Variants in ITGA11 observed in about 807,000 individuals in gnomAD.
ITGA11 encodes integrin subunit alpha 11.
Under a neutral mutation model 141.9 loss-of-function variants are expected in ITGA11, and 97 were observed. That is an observed-to-expected ratio of 0.68 (90% CI 0.58 to 0.81). ITGA11 has a LOEUF of 0.81. Ranked by LOEUF, ITGA11 falls within the 30% of genes least tolerant of loss-of-function variation. ITGA11 has a pLI of 0.00. For missense variants in ITGA11, 1,387 were observed against 1,559.2 expected, an observed-to-expected ratio of 0.89 and a Z score of 1.86; for synonymous variants, 658 against 624.6, an observed-to-expected ratio of 1.05 and a Z score of -0.80.
Position 68,333,292 on chromosome 15 carries a change from G to A in ITGA11, c.1426-814C>T, listed in dbSNP as rs1247486863. ...TTTAAAAAATTATTTGTAGAGATGG[G>A]GTCTCACTATGTTGCCCAGGCTGGT... On this transcript the variant is annotated intron_variant, in intron 12 of 29. Coordinates refer to ENST00000315757, the MANE Select transcript of ITGA11 (RefSeq NM_001004439.2). This position sits in a 1 kb window ranked among gnomAD's most constrained non-coding sequence, Gnocchi z 4.2. 2.0e-5 allele frequency among the ~76,000 whole-genome samples: 3 copies of A among 151,896 alleles called. No individual in the cohort carries two copies. The highest frequency in any genetic ancestry group is 4.4e-5 in the Non-Finnish European group (3 of 67,984).
At chr15:68,427,898 C>T (rs979939062) in intron 1 of ITGA11, among the ~76,000 whole-genome samples, 1 of 152,122 alleles carries the variant, frequency 6.6e-6, no homozygotes, top group Admixed American at 6.5e-5. Context: ...TGGTAGCCTA[C>T]ATACAGTTGG....
intron 10 of ITGA11, among the ~76,000 whole-genome samples, chr15:68,342,066 G>A (rs1284460002): frequency 6.6e-6 from 1 of 152,200 alleles, no homozygotes; most frequent in Non-Finnish European, 1.5e-5. Flanking sequence ...ACAGGTTAAG[G>A]CCACTGAAGC....
intron 2 of ITGA11, among the ~76,000 whole-genome samples, chr15:68,388,656 T>C (rs187770952): frequency 1.4e-3 from 208 of 152,290 alleles, no homozygotes; most frequent in Middle Eastern, 0.014. Flanking sequence ...TTACTGCTGC[T>C]CATAAAGCAT....
chr15:68,337,304 A>G (rs1894391940), intron 11 of ITGA11, among the ~76,000 whole-genome samples: 1 of 152,180 alleles, frequency 6.6e-6, no homozygotes, highest in Non-Finnish European at 1.5e-5. Context: ...AGGAAGGGCC[A>G]TTCTGAGGCT....
At chr15:68,414,604 G>A (rs774056848) in intron 1 of ITGA11, among the ~76,000 whole-genome samples, 7 of 152,190 alleles carry the variant, frequency 4.6e-5, no homozygotes, top group Non-Finnish European at 1.0e-4. Context: ...CTGAGGTTCT[G>A]AGTCTGTGTG....
intron 10 of ITGA11, among the ~76,000 whole-genome samples, chr15:68,343,562 CT>C (rs1200727559): frequency 6.6e-6 from 1 of 152,142 alleles, no homozygotes; most frequent in African/African-American, 2.4e-5. Context: ...CCTTCTAGCT[CT>C]TTTTGGCTTT....
At chr15:68,318,399 G>T (rs1015364648) in intron 20 of ITGA11, among the ~76,000 whole-genome samples, 3 of 152,156 alleles carry the variant, frequency 2.0e-5, no homozygotes, top group African/African-American at 7.2e-5. Flanking sequence ...CTGGTGTGGG[G>T]CTTGATTCCC....
rs147671060 is a variant in ITGA11 at position 68,420,905 on chromosome 15, G to A, written c.52+11110C>T. The stretch of plus-strand genomic sequence containing the variant: ...AGACTAAAGCAGGGAAGGGGGATAG[G>A]AGGGGAGTTTATGCATGTGAATGCA... On this transcript the variant is annotated intron_variant, in intron 1 of 29. Transcript: ENST00000315757. 6.5e-3 allele frequency among the ~76,000 whole-genome samples: 986 copies of A among 152,326 alleles called. 13 individuals are homozygous for A. The highest frequency in any genetic ancestry group is 0.022 in the African/African-American group (911 of 41,564).
At chr15:68,332,144 G>A (rs1894191314) in intron 13 of ITGA11, 82 bp from the exon 14 acceptor site, 14 of 1,318,160 alleles carry the variant, frequency 1.1e-5, no homozygotes, top group Non-Finnish European at 1.5e-5. Context: ...AGGCTGCTCC[G>A]GCATCCTCTC....
In ITGA11 at chr15:68,322,505, G is replaced by T. The variant is rs576562968; in HGVS notation, c.2323-1002C>A. Among the ~76,000 whole-genome samples, 2 of 152,260 alleles carry T rather than the reference G, an allele frequency of 1.3e-5. No homozygotes were observed. Among genetic ancestry groups the T allele is most frequent in the African/African-American group, 4.8e-5 (2 of 41,542 alleles). Reference sequence around the variant, plus strand: ...GAGGTTGTCGGGGCTGAGGGAGAAAGGGGTCCAGGGTGTCAGCTGAGTTTC... The same window carrying T: ...GAGGTTGTCGGGGCTGAGGGAGAAATGGGTCCAGGGTGTCAGCTGAGTTTC... On this transcript the variant is annotated intron_variant, in intron 18 of 29. Coordinates refer to ENST00000315757, the MANE Select transcript of ITGA11 (RefSeq NM_001004439.2). The surrounding 1 kb of genome is among the most constrained non-coding windows in gnomAD (Gnocchi z 5.6).
chr15:68,365,441 G>T, intron 3 of ITGA11: 1 of 578,674 alleles, frequency 1.7e-6, no homozygotes, highest in Non-Finnish European at 2.2e-6. Flanking sequence ...CAGCTCTGCG[G>T]CAGATTAGAA....
In ITGA11 at chr15:68,322,359, G is replaced by C. The variant is rs1372964782; in HGVS notation, c.2323-856C>G. On this transcript the variant is annotated intron_variant, in intron 18 of 29. Coordinates refer to ENST00000315757, the MANE Select transcript of ITGA11 (RefSeq NM_001004439.2). This position sits in a 1 kb window ranked among gnomAD's most constrained non-coding sequence, Gnocchi z 5.6. ...TGAGAAGATGGAGGCTCGAGGCAGG[G>C]AGACCATTGAGGAGGCTGCCACAAC... Among the ~76,000 whole-genome samples the C allele has an allele frequency of 6.6e-6, 1 of 152,128 alleles. No individual in the cohort carries two copies. Among genetic ancestry groups the C allele is most frequent in the Non-Finnish European group, 1.5e-5 (1 of 68,010 alleles).
intron 11 of ITGA11, among the ~76,000 whole-genome samples, chr15:68,337,975 G>A (rs1269848897): frequency 6.6e-6 from 1 of 152,098 alleles, no homozygotes; most frequent in East Asian, 1.9e-4. Context: ...TACACAGTAG[G>A]TCCCGAGTGT....
intron 1 of ITGA11, among the ~76,000 whole-genome samples, chr15:68,415,848 CAGAA>C (rs1222526013): frequency 1.1e-4 from 16 of 152,204 alleles, no homozygotes; most frequent in African/African-American, 2.9e-4. Context: ...TGTGGATGCT[CAGAA>C]AGAGTGAAGC....
At position 68,324,619 on chromosome 15, in the gene ITGA11, G is replaced by A. The variant is rs1893914413; in HGVS notation, c.2322+512C>T. ...CCCAGAGCCAGGGATTAGAAAATGTGGCTGAGGGATGGGGCCGCTTCTTTT... is the reference window on the plus strand; with the variant it reads ...CCCAGAGCCAGGGATTAGAAAATGTAGCTGAGGGATGGGGCCGCTTCTTTT... On this transcript the variant is annotated intron_variant, in intron 18 of 29. Transcript: ENST00000315757. The surrounding 1 kb of genome is among the most constrained non-coding windows in gnomAD (Gnocchi z 6.3). 6.6e-6 allele frequency among the ~76,000 whole-genome samples: 1 copy of A among 152,070 alleles called. No homozygotes were observed. The highest frequency in any genetic ancestry group is 2.4e-5 in the African/African-American group (1 of 41,404).
chr15:68,392,940 G>A (rs1256722699), intron 2 of ITGA11, among the ~76,000 whole-genome samples: 7 of 152,182 alleles, frequency 4.6e-5, no homozygotes, highest in Admixed American at 4.6e-4. Context: ...GAGTTAACCA[G>A]CCAGGACTTC....
intron 2 of ITGA11, among the ~76,000 whole-genome samples, chr15:68,370,832 C>T (rs1223950554): frequency 6.6e-6 from 1 of 152,206 alleles, no homozygotes; most frequent in Non-Finnish European, 1.5e-5. Flanking sequence ...GAAGCCACCA[C>T]ATGCCAGCGG....
intron 1 of ITGA11, among the ~76,000 whole-genome samples, chr15:68,427,266 TA>T (rs1374285757): frequency 6.6e-6 from 1 of 152,198 alleles, no homozygotes; most frequent in Non-Finnish European, 1.5e-5. Flanking sequence ...ATGCTTCTGT[TA>T]GCTGAGGGCT....
chr15:68,342,696 C>G (rs980813201), intron 10 of ITGA11, among the ~76,000 whole-genome samples: 3 of 152,218 alleles, frequency 2.0e-5, no homozygotes, highest in African/African-American at 7.2e-5. Flanking sequence ...GCAGCATGGT[C>G]TAGGGCAGTG....
Sources: gnomAD v4.1 joint callset for allele counts (sites outside exome capture counted in the v4.1 genomes callset) on GRCh38, gnomAD v4.1.1 for gene constraint, Gnocchi (gnomAD v3.1) non-coding constraint, MANE v1.5 for transcripts, NCBI Gene and HGNC (gene_info 2026-07-23, HGNC 2026-07-21) for gene names.